The following UBIAD1 variants were observed in gnomAD, a reference collection of about 807,000 sequenced individuals.
UBIAD1 encodes ubiA prenyltransferase domain-containing protein 1.
Under a neutral mutation model 20.1 loss-of-function variants are expected in UBIAD1, and 12 were observed. The observed-to-expected ratio is 0.60, with a 90% CI of 0.38 to 0.97. The LOEUF (loss-of-function observed/expected upper bound fraction) is 0.97, where lower values mean the gene tolerates loss of function less well. Ranked by LOEUF, UBIAD1 falls within the 50% of genes least tolerant of loss-of-function variation. The pLI is 0.00. For synonymous variants in UBIAD1, 207 were observed against 189.2 expected, an observed-to-expected ratio of 1.09 and a Z score of -0.77; for missense variants, 333 against 419.5, an observed-to-expected ratio of 0.79 and a Z score of 1.80.
chr1:11,289,665 GCC>G (rs1638333135), downstream of UBIAD1, among the ~76,000 whole-genome samples: 1 of 151,680 alleles, frequency 6.6e-6, no homozygotes, highest in African/African-American at 2.4e-5. Flanking sequence ...CGGATTCAAA[GCC>G]ATTCTCCTGC....
Position 11,273,754 on chromosome 1 carries a change from TCC to T in UBIAD1, c.225_226del (p.His76ArgfsTer23). 1 of 1,613,990 alleles carries T rather than the reference TCC, an allele frequency of 6.2e-7. No individual in the cohort carries two copies. Among genetic ancestry groups the T allele is most frequent in the South Asian group, 1.1e-5 (1 of 91,072 alleles). On this transcript the variant is annotated frameshift_variant, in exon 1 of 2. Coordinates refer to ENST00000376810, the MANE Select transcript of UBIAD1 (RefSeq NM_013319.3). LOFTEE classifies it high-confidence loss of function. This position sits in a 1 kb window ranked among gnomAD's most constrained non-coding sequence, Gnocchi z 4.9. Reference protein sequence around the residue: ...VALGSALAYRSHGVLDPRLLV... With the variant: ...VALGSALAYRXHGVLDPRLLV... ...CCTGGGCAGTGCCCTTGCCTACAGA[TCC>T]CACGGTGTCCTGGATCCCAGGCTCT...
intron 1 of UBIAD1, among the ~76,000 whole-genome samples, chr1:11,277,293 CT>C (rs56363441): frequency 8.8e-4 from 126 of 142,766 alleles, no homozygotes; most frequent in Admixed American, 1.2e-3. Context: ...GTACCTGCTA[CT>C]TTTTTTTTTT....
rs1638268078 is a variant in UBIAD1 at position 11,286,715 on chromosome 1, A to T, written c.*584A>T. ...GCTTTTTGCCTAAATTGTGATTCAG[A>T]TGCTTTTGTTCTCTCTCCTTTCACT... is the stretch of plus-strand genomic sequence containing the variant. On this transcript the variant is annotated 3_prime_UTR_variant, in exon 2 of 2. Transcript: ENST00000376810. 1 of 158,306 alleles carries T rather than the reference A, an allele frequency of 6.3e-6. No individual in the cohort carries two copies. The highest frequency in any genetic ancestry group is 2.4e-5 in the African/African-American group (1 of 41,266). 9.8% of individuals were successfully genotyped at this position (158,306 alleles called of 1,614,324 possible).
chr1:11,281,696 T>C (rs1454604029), intron 1 of UBIAD1, among the ~76,000 whole-genome samples: 1 of 152,080 alleles, frequency 6.6e-6, no homozygotes. Flanking sequence ...CCCAAAAGCT[T>C]CCCAGTGCTT....
intron 1 of UBIAD1, chr1:11,279,141 G>T: frequency 4.5e-6 from 1 of 220,526 alleles, no homozygotes; most frequent in East Asian, 1.1e-4. Flanking sequence ...TGGGATTATA[G>T]GTGTGAACTG....
At chr1:11,290,813 T>C (rs1638355872), downstream of UBIAD1, among the ~76,000 whole-genome samples, 1 of 151,934 alleles carries the variant, frequency 6.6e-6, no homozygotes, top group African/African-American at 2.4e-5. Flanking sequence ...ACCCTGTCTT[T>C]ACAAAGAAAT....
chr1:11,295,566 G>A (rs1557524532), downstream of UBIAD1: 2 of 152,462 alleles, frequency 1.3e-5, no homozygotes, highest in Non-Finnish European at 2.9e-5. Flanking sequence ...GAATGGCCTG[G>A]AGAGACAAGG....
At position 11,285,604 on chromosome 1, in the gene UBIAD1, C is replaced by T; in HGVS notation, c.530-40C>T. ...TGGTGAACAGTCCCTAAATTTCCAG[C>T]CTTGGTCTCACACCAACTCTCTGGA... On this transcript the variant is annotated intron_variant, in intron 1 of 1. Coordinates refer to ENST00000376810, the MANE Select transcript of UBIAD1 (RefSeq NM_013319.3). The surrounding 1 kb of genome is among the most constrained non-coding windows in gnomAD (Gnocchi z 4.4). 1 of 1,613,732 alleles carries T rather than the reference C, an allele frequency of 6.2e-7. No homozygotes were observed. Among genetic ancestry groups the T allele is most frequent in the Non-Finnish European group, 8.5e-7 (1 of 1,180,010 alleles).
chr1:11,295,063 T>C (rs1304900282), exon 2 of UBIAD1: 1 of 663,338 alleles, frequency 1.5e-6, no homozygotes, highest in Admixed American at 2.2e-5. Context: ...TGTATGCATG[T>C]TCAGGACACA....
intron 1 of UBIAD1, among the ~76,000 whole-genome samples, chr1:11,280,535 T>C (rs1295700484): frequency 6.6e-6 from 1 of 152,222 alleles, no homozygotes; most frequent in African/African-American, 2.4e-5. Flanking sequence ...AAGCTTAACA[T>C]GTCTGAGACC....
At chr1:11,280,133 C>T (rs528155778) in intron 1 of UBIAD1, among the ~76,000 whole-genome samples, 10 of 152,222 alleles carry the variant, frequency 6.6e-5, no homozygotes, top group East Asian at 1.9e-4. Flanking sequence ...GACTTGAAGA[C>T]GGAAGGATAA....
Position 11,285,624 on chromosome 1 carries a change from T to G in UBIAD1, c.530-20T>G. The G allele has an allele frequency of 6.2e-7, 1 of 1,614,112 alleles. No individual in the cohort carries two copies. Among genetic ancestry groups the G allele is most frequent in the Non-Finnish European group, 8.5e-7 (1 of 1,180,032 alleles). ...TCCAGCCTTGGTCTCACACCAACTC[T>G]CTGGATTTTCTGGCCGCAGGAATTG... On this transcript the variant is annotated intron_variant, in intron 1 of 1. Coordinates refer to ENST00000376810, the MANE Select transcript of UBIAD1 (RefSeq NM_013319.3). The surrounding 1 kb of genome is among the most constrained non-coding windows in gnomAD (Gnocchi z 4.4).
chr1:11,281,230 C>G (rs188405714), intron 1 of UBIAD1, among the ~76,000 whole-genome samples: 2 of 152,286 alleles, frequency 1.3e-5, no homozygotes, highest in African/African-American at 4.8e-5. Context: ...TGCTTTCTAC[C>G]TTGCTTAAAA....
In UBIAD1 at chr1:11,287,039, C is replaced by T. The variant is rs573482541; in HGVS notation, c.*908C>T. ...TCTTCTGATGCTCCCCACACCTACC[C>T]TCCACCTCTCCACCTCTGTGGTGTT... On this transcript the variant is annotated 3_prime_UTR_variant, in exon 2 of 2. Transcript: ENST00000376810. 2 of 152,428 alleles carry T rather than the reference C, an allele frequency of 1.3e-5. No individual in the cohort carries two copies. Among genetic ancestry groups the T allele is most frequent in the East Asian group, 3.9e-4 (2 of 5,194 alleles). The allele number at this position is 152,428 out of a possible 1,614,324, so 9.4% of individuals were successfully genotyped here.
chr1:11,278,528 G>A (rs1652134887), intron 1 of UBIAD1: 3 of 702,992 alleles, frequency 4.3e-6, no homozygotes, highest in East Asian at 3.4e-5. Context: ...TAACGTGTGG[G>A]TATTTTGCAT....
At chr1:11,277,770 A>G (rs1279016758) in intron 1 of UBIAD1, among the ~76,000 whole-genome samples, 1 of 151,890 alleles carries the variant, frequency 6.6e-6, no homozygotes, top group Non-Finnish European at 1.5e-5. Flanking sequence ...TCCGCCTCCC[A>G]AGTAGCTGGG....
chr1:11,276,874 T>G (rs1225206737), intron 1 of UBIAD1, among the ~76,000 whole-genome samples: 1 of 152,220 alleles, frequency 6.6e-6, no homozygotes, highest in East Asian at 1.9e-4. Flanking sequence ...TATTATAAGA[T>G]AGGTATCAAA....
At position 11,286,820 on chromosome 1, in the gene UBIAD1, C is replaced by T. The variant is rs1638270600; in HGVS notation, c.*689C>T. The T allele has an allele frequency of 6.5e-6, 1 of 153,810 alleles. No homozygotes were observed. The highest frequency in any genetic ancestry group is 2.0e-4 in the South Asian group (1 of 4,914). The allele number at this position is 153,810 out of a possible 1,614,324, so 9.5% of individuals were successfully genotyped here. Reference sequence around the variant, plus strand: ...GACTGGGAGGGAAAAAAAAACCACTCTGGAGGCAACTGAGAAAATCACTGC... The same window carrying T: ...GACTGGGAGGGAAAAAAAAACCACTTTGGAGGCAACTGAGAAAATCACTGC... On this transcript the variant is annotated 3_prime_UTR_variant, in exon 2 of 2. Coordinates refer to ENST00000376810, the MANE Select transcript of UBIAD1 (RefSeq NM_013319.3).
rs1429516659 is a variant in UBIAD1 at position 11,286,860 on chromosome 1, C to T, written c.*729C>T. On this transcript the variant is annotated 3_prime_UTR_variant, in exon 2 of 2. Coordinates refer to ENST00000376810, the MANE Select transcript of UBIAD1 (RefSeq NM_013319.3). Reference sequence around the variant, plus strand: ...AAAATCACTGCTTTTGGATAGGAATCAGTAGGGTGGCTGTTTTCCCTTTGT... The same window carrying T: ...AAAATCACTGCTTTTGGATAGGAATTAGTAGGGTGGCTGTTTTCCCTTTGT... 6.5e-6 allele frequency: 1 copy of T among 153,248 alleles called. No homozygotes were observed. The highest frequency in any genetic ancestry group is 2.4e-5 in the African/African-American group (1 of 41,440). The allele number at this position is 153,248 out of a possible 1,614,324, so 9.5% of individuals were successfully genotyped here. A position where few individuals can be genotyped will look rare whatever the true frequency, so the allele number is the denominator to read the frequency against.
Sources: gnomAD v4.1 joint callset for allele counts (sites outside exome capture counted in the v4.1 genomes callset) on GRCh38, gnomAD v4.1.1 for gene constraint, Gnocchi (gnomAD v3.1) non-coding constraint, MANE v1.5 for transcripts, NCBI Gene and HGNC (gene_info 2026-07-23, HGNC 2026-07-21) for gene names.